SEC63: variants seen among roughly 807,000 people sequenced by gnomAD.
The protein encoded by SEC63 is SEC63 protein translocation regulator.
A neutral mutation model predicts 116.2 loss-of-function variants in SEC63; 56 were observed. That is an observed-to-expected ratio of 0.48 (90% CI 0.39 to 0.60). The LOEUF is 0.60. Ranked by LOEUF, SEC63 falls within the 20% of genes least tolerant of loss-of-function variation. The pLI, the probability that SEC63 is intolerant of heterozygous loss-of-function variation, is 0.00. For synonymous variants in SEC63, 273 were observed against 294.6 expected, an observed-to-expected ratio of 0.93 and a Z score of 0.75; for missense variants, 668 against 900.0, an observed-to-expected ratio of 0.74 and a Z score of 3.30.
chr6:107,918,073 G>A (rs150331323), intron 4 of SEC63, among the ~76,000 whole-genome samples: 44 of 152,262 alleles, frequency 2.9e-4, no homozygotes, highest in African/African-American at 9.9e-4. Context: ...CGTTGCTGGC[G>A]ACTTTAACTT....
At chr6:107,889,681 G>A (rs559265222) in intron 16 of SEC63, among the ~76,000 whole-genome samples, 43 of 151,978 alleles carry the variant, frequency 2.8e-4, no homozygotes, top group African/African-American at 9.4e-4. Context: ...TTAGGGTGTC[G>A]ATTTTAGATC....
intron 1 of SEC63, among the ~76,000 whole-genome samples, chr6:107,945,556 G>A (rs1348696743): frequency 6.6e-6 from 1 of 151,630 alleles, no homozygotes; most frequent in Non-Finnish European, 1.5e-5. Flanking sequence ...CACCCCCCTC[G>A]GCCTCCCAAA....
chr6:107,897,882 C>A, intron 13 of SEC63, 151 bp from the exon 14 acceptor site: 1 of 664,274 alleles, frequency 1.5e-6, no homozygotes. Flanking sequence ...AACTGATTGA[C>A]TACTCTGTAT....
intron 1 of SEC63, among the ~76,000 whole-genome samples, chr6:107,939,398 TA>T (rs1370701964): frequency 2.6e-5 from 4 of 152,252 alleles, no homozygotes. Flanking sequence ...TTATTCGATG[TA>T]TAGAAAACAT....
chr6:107,889,120 G>T (rs1266649676), intron 16 of SEC63, among the ~76,000 whole-genome samples: 3 of 152,144 alleles, frequency 2.0e-5, no homozygotes, highest in Non-Finnish European at 4.4e-5. Context: ...GAGTTAGGGA[G>T]GATTCCCTCT....
intron 1 of SEC63, among the ~76,000 whole-genome samples, chr6:107,947,730 T>C (rs1220049956): frequency 2.0e-5 from 3 of 152,164 alleles, no homozygotes; most frequent in East Asian, 3.8e-4. Flanking sequence ...TCCTCAGTAC[T>C]TATATTCAAT....
chr6:107,895,732 GAAACTGA>G (rs1786798140), intron 14 of SEC63, among the ~76,000 whole-genome samples: 1 of 150,528 alleles, frequency 6.6e-6, no homozygotes, highest in Non-Finnish European at 1.5e-5. Context: ...ATAAATAATA[GAAACTGA>G]AAGCCAGGCA....
chr6:107,894,771 CTT>C (rs113950083), intron 14 of SEC63, among the ~76,000 whole-genome samples: 6 of 146,352 alleles, frequency 4.1e-5, no homozygotes, highest in Admixed American at 6.8e-5. Flanking sequence ...CACCACTTGC[CTT>C]TTTTTTTTTT....
intron 3 of SEC63, among the ~76,000 whole-genome samples, chr6:107,922,547 T>C (rs1031598261): frequency 1.3e-5 from 2 of 152,070 alleles, no homozygotes; most frequent in Non-Finnish European, 2.9e-5. Context: ...CAAAAAATAA[T>C]CACAATAAAT....
intron 13 of SEC63, among the ~76,000 whole-genome samples, chr6:107,900,058 G>A (rs1166809440): frequency 6.6e-6 from 1 of 152,116 alleles, no homozygotes; most frequent in Non-Finnish European, 1.5e-5. Context: ...TGCTTCCCTA[G>A]CACCTAGAGG....
chr6:107,908,463 C>T (rs1787200832), intron 8 of SEC63, among the ~76,000 whole-genome samples: 1 of 152,140 alleles, frequency 6.6e-6, no homozygotes, highest in Admixed American at 6.5e-5. Context: ...GTTTAAGGCT[C>T]AAGAACCAGA....
At position 107,883,011 on chromosome 6, in the gene SEC63, T is replaced by C; in HGVS notation, c.1810A>G (p.Lys604Glu). The C allele has an allele frequency of 6.2e-7, 1 of 1,609,774 alleles. No individual in the cohort carries two copies. Among genetic ancestry groups the C allele is most frequent in the Non-Finnish European group, 8.5e-7 (1 of 1,177,390 alleles). ...ACTGCTTCATCATCTTTGTTTTGTT[T>C]TTCATCTTGCTCTCTATCAGAGTCT... ...DRDSDREQDEKQNKDDEAEWQ... is the reference protein window; with the variant it reads ...DRDSDREQDEEQNKDDEAEWQ... Residue 604 changes from lysine (K) to glutamate (E), a missense_variant, in exon 17 of 21, where the codon AAA becomes GAA. Around this residue, in one of 5 missense-constraint regions of SEC63, gnomAD observed 430 missense variants for 557.5 expected, o/e 0.77. Coordinates refer to ENST00000369002, the MANE Select transcript of SEC63 (RefSeq NM_007214.5).
chr6:107,926,623 A>G (rs1397016549), intron 2 of SEC63, among the ~76,000 whole-genome samples: 1 of 152,224 alleles, frequency 6.6e-6, no homozygotes, highest in Non-Finnish European at 1.5e-5. Flanking sequence ...CAAAACAAAA[A>G]TTGAAAATAT....
intron 15 of SEC63, 25 bp from the exon 16 acceptor site, chr6:107,893,680 C>G (rs1786744659): frequency 6.2e-7 from 1 of 1,613,318 alleles, no homozygotes; most frequent in East Asian, 2.2e-5. Flanking sequence ...ACGTCACACT[C>G]TTAAGTTATA....
At chr6:107,912,811 T>G in intron 5 of SEC63, 37 bp from the exon 6 acceptor site, 3 of 1,444,710 alleles carry the variant, frequency 2.1e-6, no homozygotes, top group Non-Finnish European at 1.9e-6. Flanking sequence ...GAAGAATCTC[T>G]ACTTTCAGTT....
chr6:107,922,941 G>C (rs895467841), intron 3 of SEC63, among the ~76,000 whole-genome samples: 11 of 151,718 alleles, frequency 7.3e-5, no homozygotes, highest in African/African-American at 2.7e-4. Context: ...TGGCTACTAA[G>C]TAAGAAGCTT....
intron 1 of SEC63, among the ~76,000 whole-genome samples, chr6:107,934,370 G>A (rs538997431): frequency 4.6e-5 from 7 of 150,950 alleles, no homozygotes; most frequent in South Asian, 4.2e-4. Context: ...GTCTCTGCCC[G>A]GCCGCCCATC....
intron 1 of SEC63, among the ~76,000 whole-genome samples, chr6:107,954,170 C>A (rs1770652526): frequency 6.6e-6 from 1 of 152,064 alleles, no homozygotes; most frequent in South Asian, 2.1e-4. Context: ...ACCCTACCCC[C>A]AACCCTGTGC....
intron 4 of SEC63, among the ~76,000 whole-genome samples, chr6:107,919,976 C>A (rs1020916629): frequency 1.3e-5 from 2 of 152,114 alleles, no homozygotes; most frequent in African/African-American, 2.4e-5. Flanking sequence ...GCCAGCCCAA[C>A]CTTCAGTAAC....
Sources: gnomAD v4.1 joint callset for allele counts (sites outside exome capture counted in the v4.1 genomes callset) on GRCh38, gnomAD v4.1.1 for gene constraint, gnomAD v4.1.1 regional missense constraint, MANE v1.5 for transcripts, NCBI Gene and HGNC (gene_info 2026-07-23, HGNC 2026-07-21) for gene names.